The following C19orf38 variants were observed in gnomAD, a reference collection of about 807,000 sequenced individuals.
C19orf38 encodes chromosome 19 open reading frame 38.
Under a neutral mutation model 26.6 loss-of-function variants are expected in C19orf38, and 14 were observed. The observed-to-expected ratio is 0.53, with a 90% confidence interval of 0.35 to 0.82. C19orf38 has a LOEUF of 0.82. C19orf38 is among the 40% of genes least tolerant of loss of function. The pLI is 0.01. For missense variants in C19orf38, 261 were observed against 299.5 expected, an observed-to-expected ratio of 0.87 and a Z score of 0.95; for synonymous variants, 132 against 128.5, an observed-to-expected ratio of 1.03 and a Z score of -0.18.
chr19:10,857,290 ATGTATATATATATG>A (rs1351594573), intron 3 of C19orf38, among the ~76,000 whole-genome samples: 2 of 134,984 alleles, frequency 1.5e-5, no homozygotes, highest in Admixed American at 7.6e-5. Flanking sequence ...ATGTGTGTGT[ATGTATATATATATG>A]TGTGTATATA....
upstream of C19orf38, among the ~76,000 whole-genome samples, chr19:10,844,413 A>AGG (rs1555719546): frequency 3.4e-5 from 5 of 148,676 alleles, no homozygotes; most frequent in African/African-American, 1.2e-4. Flanking sequence ...AAAAAAAAAA[A>AGG]AAAAAAAATT....
intron 1 of C19orf38, chr19:10,841,874 A>T (rs1470583671): frequency 1.3e-6 from 2 of 1,547,442 alleles, no homozygotes; most frequent in Admixed American, 3.3e-5. Flanking sequence ...GAATGGGAGG[A>T]TCTGTCTACT....
chr19:10,839,825 C>T (rs1351282023), intron 1 of C19orf38, among the ~76,000 whole-genome samples: 1 of 151,018 alleles, frequency 6.6e-6, no homozygotes, highest in Non-Finnish European at 1.5e-5. Context: ...ACTTCCCGAA[C>T]TCATGTGATC....
At chr19:10,846,306 C>T (rs556613989), upstream of C19orf38, among the ~76,000 whole-genome samples, 1 of 151,838 alleles carries the variant, frequency 6.6e-6, no homozygotes, top group Non-Finnish European at 1.5e-5. Context: ...ACGCCATTCT[C>T]CAGCCTCAGC....
At chr19:10,868,311 G>A (rs2073772269) in intron 6 of C19orf38, among the ~76,000 whole-genome samples, 2 of 152,118 alleles carry the variant, frequency 1.3e-5, no homozygotes, top group South Asian at 4.1e-4. Flanking sequence ...ATGGGCCTAG[G>A]GTCACCCAGC....
intron 2 of C19orf38, among the ~76,000 whole-genome samples, chr19:10,854,572 C>T (rs1475807820): frequency 6.6e-6 from 1 of 152,164 alleles, no homozygotes; most frequent in African/African-American, 2.4e-5. Context: ...ATGAACAAGG[C>T]TGACATTGTG....
At chr19:10,868,063 G>A (rs1327984822) in intron 6 of C19orf38, among the ~76,000 whole-genome samples, 1 of 152,098 alleles carries the variant, frequency 6.6e-6, no homozygotes, top group East Asian at 1.9e-4. Context: ...TTTGGCTGTT[G>A]TGCAGAACCG....
intron 6 of C19orf38, among the ~76,000 whole-genome samples, chr19:10,863,825 A>C (rs2073726623): frequency 6.6e-6 from 1 of 152,082 alleles, no homozygotes; most frequent in Non-Finnish European, 1.5e-5. Context: ...AGACAGGAGA[A>C]TCACTTGGAC....
intron 1 of C19orf38, chr19:10,841,747 A>G: frequency 1.4e-6 from 1 of 706,458 alleles, no homozygotes; most frequent in Non-Finnish European, 2.4e-6. Context: ...CCAAGTTGGG[A>G]GGATCTCTTG....
chr19:10,841,958 C>T (rs1216213991), intron 1 of C19orf38: 11 of 1,609,492 alleles, frequency 6.8e-6, no homozygotes, highest in South Asian at 1.1e-5. Context: ...AGCCAAGTGC[C>T]ATCTTCAAAA....
rs773726753 is a variant in C19orf38 at position 10,857,366 on chromosome 19, A to ATTTTTTTTT, written c.434-939_434-931dup. Among the ~76,000 whole-genome samples the ATTTTTTTTT allele has an allele frequency of 3.6e-4, 20 of 56,080 alleles. 3 individuals are homozygous for ATTTTTTTTT. The highest frequency in any genetic ancestry group is 2.7e-3 in the African/African-American group (16 of 5,820). The allele number at this position is 56,080 out of a possible 152,430, so 36.8% of individuals were successfully genotyped here. On this transcript the variant is annotated intron_variant, in intron 3 of 6. Coordinates refer to ENST00000397820, the MANE Select transcript of C19orf38 (RefSeq NM_001136482.3). The stretch of plus-strand genomic sequence containing the variant: ...TATATATATATATATATATATATAT[A>ATTTTTTTTT]TTTTTTTTTTTTTTTTTTTAAGATG...
At chr19:10,867,898 C>T (rs1568340727) in intron 6 of C19orf38, among the ~76,000 whole-genome samples, 1 of 151,894 alleles carries the variant, frequency 6.6e-6, no homozygotes. Flanking sequence ...GGTGATCCGC[C>T]CGCCTCGACC....
At position 10,851,938 on chromosome 19, in the gene C19orf38, G is replaced by A. The variant is rs373447197; in HGVS notation, c.340+1371G>A. ...AGCCGAGATTGCGCCACTGCAGTCC[G>A]CAGTCCGGCCTGGGCGACAGAGCGA... On this transcript the variant is annotated intron_variant, in intron 2 of 6. Coordinates refer to ENST00000397820, the MANE Select transcript of C19orf38 (RefSeq NM_001136482.3). Among the ~76,000 whole-genome samples the A allele has an allele frequency of 4.8e-5, 7 of 147,044 alleles. No homozygotes were observed. The East Asian group carries it at 6.1e-4, about 13-fold the overall frequency.
intron 6 of C19orf38, among the ~76,000 whole-genome samples, chr19:10,864,450 A>G (rs1405142588): frequency 6.6e-6 from 1 of 152,174 alleles, no homozygotes; most frequent in Non-Finnish European, 1.5e-5. Flanking sequence ...TTTTTGGCAC[A>G]GCCCAGTAAG....
chr19:10,838,695 G>A (rs2073456533), intron 1 of C19orf38, among the ~76,000 whole-genome samples: 1 of 152,096 alleles, frequency 6.6e-6, no homozygotes, highest in Non-Finnish European at 1.5e-5. Flanking sequence ...CTACAGAGAG[G>A]AGTCCCAGAA....
upstream of C19orf38, among the ~76,000 whole-genome samples, chr19:10,846,210 T>G (rs1183032741): frequency 6.6e-6 from 1 of 151,690 alleles, no homozygotes; most frequent in African/African-American, 2.4e-5. Context: ...TGTTGTTTTT[T>G]TTTTGAGACA....
intron 2 of C19orf38, among the ~76,000 whole-genome samples, chr19:10,851,055 T>TA (rs2073567276): frequency 6.6e-6 from 1 of 152,164 alleles, no homozygotes; most frequent in Non-Finnish European, 1.5e-5. Flanking sequence ...GCCACATACT[T>TA]TTTTTGTTTG....
upstream of C19orf38, among the ~76,000 whole-genome samples, chr19:10,845,898 G>A (rs545989236): frequency 1.3e-5 from 2 of 151,394 alleles, no homozygotes; most frequent in South Asian, 2.1e-4. Context: ...AAAAAAAGAG[G>A]GTTTAAAGTT....
chr19:10,869,351 T>C lies in C19orf38; in HGVS notation c.677T>C (p.Phe226Ser). ...SSPETPEFST[F>S]RACQ ...CCTGAGACCCCCGAATTCAGCACTT[T>C]CCGGGCCTGCCAGTGAGGCTGAGGA... Residue 226 changes from phenylalanine (F) to serine (S), a missense_variant, in exon 7 of 7, where the codon TTC (phenylalanine) becomes TCC (serine). Coordinates refer to ENST00000397820, the MANE Select transcript of C19orf38 (RefSeq NM_001136482.3). 1 of 1,550,428 alleles carries C rather than the reference T, an allele frequency of 6.4e-7. No individual in the cohort carries two copies.
Sources: gnomAD v4.1 joint callset for allele counts (sites outside exome capture counted in the v4.1 genomes callset) on GRCh38, gnomAD v4.1.1 for gene constraint, MANE v1.5 for transcripts, NCBI Gene and HGNC (gene_info 2026-07-23, HGNC 2026-07-21) for gene names.